Variants in SLC29A4 observed in about 807,000 individuals in gnomAD.
SLC29A4 encodes the protein solute carrier family 29 member 4.
A neutral mutation model predicts 43.9 loss-of-function variants in SLC29A4; 36 were observed. The ratio of observed to expected loss-of-function variants is 0.82; its 90% CI spans 0.63 to 1.08. The LOEUF is 1.08. SLC29A4 is among the 50% of genes least tolerant of loss of function. The pLI is 0.00. For synonymous variants in SLC29A4, 491 were observed against 338.0 expected (o/e 1.45, Z -4.97); for missense variants, 869 against 755.3 (o/e 1.15, Z -1.77).
At position 5,290,824 on chromosome 7, in the gene SLC29A4, T is replaced by C; in HGVS notation, c.262T>C (p.Phe88Leu). 1.9e-6 allele frequency: 3 copies of C among 1,613,932 alleles called. No individual in the cohort carries two copies. Among genetic ancestry groups the C allele is most frequent in the Non-Finnish European group, 1.7e-6 (2 of 1,179,958 alleles). The change falls in exon 3 of 11, where the codon TTC becomes CTC. Residue 88 changes from phenylalanine to leucine, a missense_variant. Transcript: ENST00000396872. Reference protein sequence around the residue: ...GVGFLLPYNSFITDVDYLHHK... With the variant: ...GVGFLLPYNSLITDVDYLHHK... ...GGGCTTCCTGCTGCCATACAACAGC[T>C]TCATCACGGACGTGGACTACCTGCA...
intron 7 of SLC29A4, 130 bp downstream of exon 7, chr7:5,297,328 C>T (rs1456488002): frequency 1.5e-5 from 16 of 1,072,252 alleles, no homozygotes; most frequent in South Asian, 5.3e-5. Context: ...GTGGTGGAGA[C>T]TCCTTCCTGC....
Position 5,304,305 on chromosome 7 carries a change from C to T in SLC29A4, c.*1366C>T, listed in dbSNP as rs1327115619. On this transcript the variant is annotated 3_prime_UTR_variant, in exon 11 of 11. Transcript: ENST00000396872. ...TGTCGCTCACCTTGACCGCCCGCCC[C>T]CCCCACCCCTTCGTGAGGATCAGGG... 2 of 148,950 alleles carry T rather than the reference C, an allele frequency of 1.3e-5. No individual in the cohort carries two copies. Among genetic ancestry groups the T allele is most frequent in the African/African-American group, 4.9e-5 (2 of 40,884 alleles). 9.2% of individuals were successfully genotyped at this position (148,950 alleles called of 1,614,324 possible). A position where few individuals can be genotyped will look rare whatever the true frequency, so the allele number is the denominator to read the frequency against.
At position 5,306,223 on chromosome 7, in the gene SLC29A4, ATC is replaced by A. The variant is rs1357164624; in HGVS notation, c.*3288_*3289del. 4 of 106,838 alleles carry A rather than the reference ATC, an allele frequency of 3.7e-5. No individual in the cohort carries two copies. The highest frequency in any genetic ancestry group is 2.7e-4 in the South Asian group (1 of 3,644). The allele number at this position is 106,838 out of a possible 1,614,324, so 6.6% of individuals were successfully genotyped here. ...TTTTTTTTTTTTTTTTTTTGAGACA[ATC>A]TCTGTCACCCCCAGGCCAGAGTGCA... On this transcript the variant is annotated 3_prime_UTR_variant, in exon 11 of 11. Transcript: ENST00000396872.
intron 1 of SLC29A4, among the ~76,000 whole-genome samples, chr7:5,286,719 C>G (rs1275780177): frequency 6.6e-6 from 1 of 152,090 alleles, no homozygotes; most frequent in Non-Finnish European, 1.5e-5. Context: ...GAAGAACTTC[C>G]CGCCATAAGG....
At chr7:5,284,162 TC>T (rs912437049) in intron 1 of SLC29A4, among the ~76,000 whole-genome samples, 5 of 151,716 alleles carry the variant, frequency 3.3e-5, no homozygotes, top group Admixed American at 2.0e-4. Context: ...GGCTGAGGGA[TC>T]ACCTGAGGCC....
chr7:5,289,598 C>T (rs1307382747), intron 2 of SLC29A4, among the ~76,000 whole-genome samples: 1 of 152,052 alleles, frequency 6.6e-6, no homozygotes, highest in African/African-American at 2.4e-5. Context: ...GGAGAAGGGA[C>T]TTTAATCGCA....
Position 5,302,948 on chromosome 7 carries a change from C to T in SLC29A4, c.*9C>T, listed in dbSNP as rs372009708. The T allele has an allele frequency of 7.5e-6, 12 of 1,603,486 alleles. No homozygotes were observed. Among genetic ancestry groups the T allele is most frequent in the East Asian group, 6.7e-5 (3 of 44,564 alleles). ...TCCTCGCAGGCCTCTGAGCCAGCCC[C>T]GCCCACTGCCAGGGACGCCGAGGGC... On this transcript the variant is annotated 3_prime_UTR_variant, in exon 11 of 11. Transcript: ENST00000396872.
At position 5,287,919 on chromosome 7, in the gene SLC29A4, G is replaced by A; in HGVS notation, c.103G>A (p.Glu35Lys). Residue 35 changes from glutamate (E) to lysine (K), a missense_variant, in exon 2 of 11, where the codon GAG becomes AAG. Coordinates refer to ENST00000396872, the MANE Select transcript of SLC29A4 (RefSeq NM_153247.4). ...SFTFDSHQLE[E>K]AAEAAQGQGL... is the part of the protein sequence containing the mutation. ...CACCTTCGACAGTCACCAGCTGGAG[G>A]AGGCGGCGGAGGCGGCTCAGGGCCA... 1.9e-6 allele frequency: 3 copies of A among 1,611,802 alleles called. No individual in the cohort carries two copies. Among genetic ancestry groups the A allele is most frequent in the East Asian group, 2.2e-5 (1 of 44,852 alleles).
In SLC29A4 at chr7:5,299,273, T is replaced by C. The variant is rs756971708; in HGVS notation, c.1055T>C (p.Val352Ala). ...LLLHRYVVAR[V>A]IWADMLSIAV... ...CTGCACCGCTACGTGGTGGCGCGGG[T>C]GATCTGGGCCGACATGCTCTCCATC... The change falls in exon 9 of 11, where the codon GTG becomes GCG. Residue 352 changes from valine to alanine, a missense_variant. Coordinates refer to ENST00000396872, the MANE Select transcript of SLC29A4 (RefSeq NM_153247.4). The C allele has an allele frequency of 8.1e-6, 13 of 1,611,804 alleles. No homozygotes were observed. In the South Asian group the frequency reaches 1.3e-4, roughly 16 times the overall value.
At chr7:5,287,632 C>A (rs1468629458) in intron 1 of SLC29A4, among the ~76,000 whole-genome samples, 177 bp from the exon 2 acceptor site, 1 of 152,214 alleles carries the variant, frequency 6.6e-6, no homozygotes, top group Non-Finnish European at 1.5e-5. Flanking sequence ...ACCTCACATC[C>A]AGTCCTGTTC....
At chr7:5,295,557 C>A (rs1276204690) in intron 6 of SLC29A4, among the ~76,000 whole-genome samples, 1 of 152,264 alleles carries the variant, frequency 6.6e-6, no homozygotes, top group African/African-American at 2.4e-5. Context: ...GCACTGGCCC[C>A]GGGTACCGGC....
Position 5,303,251 on chromosome 7 carries a change from G to T in SLC29A4, c.*312G>T. 1 of 472,122 alleles carries T rather than the reference G, an allele frequency of 2.1e-6. No homozygotes were observed. Among genetic ancestry groups the T allele is most frequent in the Non-Finnish European group, 3.8e-6 (1 of 260,992 alleles). The allele number at this position is 472,122 out of a possible 1,614,324, so 29.2% of individuals were successfully genotyped here. A position where few individuals can be genotyped will look rare whatever the true frequency, so the allele number is the denominator to read the frequency against. On this transcript the variant is annotated 3_prime_UTR_variant, in exon 11 of 11. Coordinates refer to ENST00000396872, the MANE Select transcript of SLC29A4 (RefSeq NM_153247.4). ...TCCAGCCCAGCCAGCACTCTGCAGG[G>T]TCACACGCACCGTGTCCCCACCCAG... is the stretch of plus-strand genomic sequence containing the variant.
chr7:5,294,742 A>G, intron 5 of SLC29A4, 118 bp from the exon 6 acceptor site: 1 of 949,236 alleles, frequency 1.1e-6, no homozygotes, highest in Non-Finnish European at 1.7e-6. Flanking sequence ...CTCTGCCATT[A>G]GTGGTGTTAA....
In SLC29A4 at chr7:5,305,461, C is replaced by A. The variant is rs1231980540; in HGVS notation, c.*2522C>A. 1 of 152,276 alleles carries A rather than the reference C, an allele frequency of 6.6e-6. No individual in the cohort carries two copies. The allele number at this position is 152,276 out of a possible 1,614,324, so 9.4% of individuals were successfully genotyped here. ...CCCCAGTGCAGAGATGCCGTCCACC[C>A]CCATCTAGGTGAGGGCTTGGGGCCA... On this transcript the variant is annotated 3_prime_UTR_variant, in exon 11 of 11. Coordinates refer to ENST00000396872, the MANE Select transcript of SLC29A4 (RefSeq NM_153247.4).
At position 5,300,676 on chromosome 7, in the gene SLC29A4, G is replaced by C. The variant is rs1461112826; in HGVS notation, c.1450+14G>C. The C allele has an allele frequency of 6.2e-7, 1 of 1,603,598 alleles. No homozygotes were observed. ...GGGAGCTGGCAGGTGAGGCCCGCGG[G>C]ACGTGGGGGTGGGGGCGTCCTCCCA... is the stretch of plus-strand genomic sequence containing the variant. On this transcript the variant is annotated intron_variant, in intron 10 of 10. Transcript: ENST00000396872.
intron 6 of SLC29A4, 24 bp from the exon 7 acceptor site, chr7:5,296,912 C>T: frequency 1.0e-5 from 16 of 1,561,844 alleles, no homozygotes; most frequent in Non-Finnish European, 1.3e-5. Flanking sequence ...GATCAGGCCC[C>T]GGCCCACTGT....
intron 10 of SLC29A4, among the ~76,000 whole-genome samples, chr7:5,302,343 C>T (rs1473990318): frequency 6.6e-6 from 1 of 152,182 alleles, no homozygotes; most frequent in Non-Finnish European, 1.5e-5. Flanking sequence ...CACTTGGGAC[C>T]AGCCTGGGCA....
At chr7:5,284,789 T>C (rs1163837106) in intron 1 of SLC29A4, among the ~76,000 whole-genome samples, 1 of 152,156 alleles carries the variant, frequency 6.6e-6, no homozygotes, top group African/African-American at 2.4e-5. Context: ...AGCTGCCCAC[T>C]TTGCCGACTA....
chr7:5,296,591 G>T (rs1292504396), intron 6 of SLC29A4, among the ~76,000 whole-genome samples: 1 of 108,140 alleles, frequency 9.2e-6, no homozygotes, highest in African/African-American at 3.7e-5. Flanking sequence ...GCTGAGTCGG[G>T]GGGTGGGGTG....
Sources: gnomAD v4.1 joint callset for allele counts (sites outside exome capture counted in the v4.1 genomes callset) on GRCh38, gnomAD v4.1.1 for gene constraint, MANE v1.5 for transcripts, NCBI Gene and HGNC (gene_info 2026-07-23, HGNC 2026-07-21) for gene names.